The following KDM4C variants were observed in gnomAD, a reference collection of about 807,000 sequenced individuals.
The protein encoded by KDM4C is lysine-specific demethylase 4C.
KDM4C carries 81 observed loss-of-function variants against 129.3 expected under a neutral mutation model. The ratio of observed to expected loss-of-function variants is 0.63; its 90% confidence interval spans 0.52 to 0.75. The LOEUF is 0.75. Among genes scored for constraint, KDM4C ranks in the 30% least tolerant of loss-of-function variants. The pLI is 0.00. For synonymous variants in KDM4C, 573 were observed against 456.1 expected (o/e 1.26, Z -3.26); for missense variants, 1,457 against 1,304.0 (o/e 1.12, Z -1.81).
intron 1 of KDM4C, among the ~76,000 whole-genome samples, chr9:6,728,378 A>T (rs1368784116): frequency 6.6e-6 from 1 of 150,824 alleles, no homozygotes; most frequent in Non-Finnish European, 1.5e-5. Flanking sequence ...TACTAAAAGT[A>T]CAAAAATTAG....
intron 20 of KDM4C, among the ~76,000 whole-genome samples, chr9:7,166,229 TAA>T (rs773509923): frequency 6.6e-6 from 1 of 152,194 alleles, no homozygotes; most frequent in Non-Finnish European, 1.5e-5. Context: ...TTGAGAATGA[TAA>T]GACTGTCAGT....
intron 18 of KDM4C, among the ~76,000 whole-genome samples, chr9:7,121,870 C>A (rs1430895544): frequency 6.6e-6 from 1 of 150,494 alleles, no homozygotes; most frequent in African/African-American, 2.4e-5. Flanking sequence ...GGTGTTACTT[C>A]CTGGTTGGCT....
chr9:7,143,607 C>G (rs1841964442), intron 19 of KDM4C, among the ~76,000 whole-genome samples: 1 of 152,132 alleles, frequency 6.6e-6, no homozygotes, highest in Non-Finnish European at 1.5e-5. Flanking sequence ...GGTGTGTTAT[C>G]TACATATTAT....
At chr9:6,771,774 C>T (rs1018455354) in intron 1 of KDM4C, among the ~76,000 whole-genome samples, 17 of 152,194 alleles carry the variant, frequency 1.1e-4, no homozygotes, top group Non-Finnish European at 1.8e-4. Context: ...CAGCTGGGTG[C>T]AGGGGCAGTA....
At chr9:6,894,769 G>T (rs1380323878) in intron 8 of KDM4C, among the ~76,000 whole-genome samples, 1 of 152,194 alleles carries the variant, frequency 6.6e-6, no homozygotes, top group African/African-American at 2.4e-5. Flanking sequence ...AATCCCAGCT[G>T]ACAGAGCCCA....
At chr9:6,980,553 T>C (rs907376327) in intron 8 of KDM4C, among the ~76,000 whole-genome samples, 6 of 152,230 alleles carry the variant, frequency 3.9e-5, no homozygotes, top group African/African-American at 1.4e-4. Flanking sequence ...TTTTATTTGT[T>C]GACAACCCAG....
In KDM4C at chr9:6,990,349, G is replaced by C; in HGVS notation, c.1678-67G>C. On this transcript the variant is annotated intron_variant, in intron 11 of 21. Transcript: ENST00000381309. Reference sequence around the variant, plus strand: ...AAGTGATAAATAATTGTGAACTGTAGGGTTTTTTTTTTTTGTAGTTTGTTT... The same window carrying C: ...AAGTGATAAATAATTGTGAACTGTACGGTTTTTTTTTTTTGTAGTTTGTTT... 7.0e-6 allele frequency: 7 copies of C among 1,005,312 alleles called. No homozygotes were observed. The South Asian group carries it at 8.3e-5, about 12-fold the overall frequency. 62.3% of individuals were successfully genotyped at this position (1,005,312 alleles called of 1,614,324 possible).
intron 15 of KDM4C, among the ~76,000 whole-genome samples, chr9:7,030,315 C>T (rs778425355): frequency 6.6e-6 from 1 of 152,136 alleles, no homozygotes; most frequent in Non-Finnish European, 1.5e-5. Context: ...TGACTAATTA[C>T]ATGTCATTAT....
chr9:6,746,971 T>TCCAG (rs1187079826), intron 1 of KDM4C, among the ~76,000 whole-genome samples: 1 of 115,042 alleles, frequency 8.7e-6, no homozygotes, highest in East Asian at 2.6e-4. Context: ...GCCACTGAAC[T>TCCAG]CCAGCCTGGG....
chr9:7,125,280 C>T (rs1025530608), intron 18 of KDM4C, among the ~76,000 whole-genome samples: 2 of 152,182 alleles, frequency 1.3e-5, no homozygotes, highest in African/African-American at 2.4e-5. Context: ...TTGTGTTCTT[C>T]CCCTAATTCT....
intron 2 of KDM4C, among the ~76,000 whole-genome samples, chr9:6,803,518 C>T (rs575649476): frequency 2.0e-5 from 3 of 148,904 alleles, no homozygotes; most frequent in Non-Finnish European, 3.0e-5. Flanking sequence ...TGCGGTGAGC[C>T]GAGATTGGGC....
At chr9:7,063,359 C>G (rs907616027) in intron 17 of KDM4C, among the ~76,000 whole-genome samples, 1 of 152,108 alleles carries the variant, frequency 6.6e-6, no homozygotes, top group South Asian at 2.1e-4. Flanking sequence ...CTGTCACTTC[C>G]CCATAAGAAC....
intron 17 of KDM4C, among the ~76,000 whole-genome samples, chr9:7,088,630 G>T (rs944601058): frequency 1.3e-5 from 2 of 152,118 alleles, no homozygotes; most frequent in African/African-American, 4.8e-5. Flanking sequence ...TGTCTTAATG[G>T]ATTACATTTG....
chr9:6,927,097 A>ATCTG (rs752052962), intron 8 of KDM4C, among the ~76,000 whole-genome samples: 1 of 143,966 alleles, frequency 6.9e-6, no homozygotes, highest in African/African-American at 2.5e-5. Flanking sequence ...TTTTCTATCT[A>ATCTG]TCTATCTATC....
chr9:7,022,925 T>A (rs1825134754), intron 15 of KDM4C, among the ~76,000 whole-genome samples: 1 of 152,222 alleles, frequency 6.6e-6, no homozygotes, highest in Non-Finnish European at 1.5e-5. Flanking sequence ...TTGTTCTTCA[T>A]TCTAATGATA....
At chr9:7,060,451 G>GTTATTATTATTATTATTA (rs1164003659) in intron 17 of KDM4C, among the ~76,000 whole-genome samples, 3 of 138,226 alleles carry the variant, frequency 2.2e-5, no homozygotes, top group African/African-American at 5.2e-5. Flanking sequence ...TAGCAGTATT[G>GTTATTATTATTATTATTA]TTGTTATTAT....
At chr9:7,124,182 GC>G (rs1156999602) in intron 18 of KDM4C, among the ~76,000 whole-genome samples, 3 of 152,194 alleles carry the variant, frequency 2.0e-5, no homozygotes, top group Non-Finnish European at 4.4e-5. Context: ...AGAGTAATCA[GC>G]TTATAATGCA....
intron 1 of KDM4C, chr9:6,735,094 C>A: frequency 2.4e-6 from 1 of 414,494 alleles, no homozygotes; most frequent in Middle Eastern, 9.2e-4. Context: ...GCAGCCTATG[C>A]AATGACTGGG....
intron 1 of KDM4C, among the ~76,000 whole-genome samples, chr9:6,772,113 G>T (rs1256851891): frequency 6.6e-6 from 1 of 152,116 alleles, no homozygotes; most frequent in African/African-American, 2.4e-5. Context: ...AAGTAAATGA[G>T]TTAGGTTTCT....
Sources: allele counts gnomAD v4.1 joint callset (sites outside exome capture counted in the v4.1 genomes callset), GRCh38; gene constraint gnomAD v4.1.1; transcripts MANE v1.5; gene names NCBI Gene and HGNC (gene_info 2026-07-23, HGNC 2026-07-21).